Variants in CDIN1 observed in about 807,000 individuals in gnomAD.
The protein encoded by CDIN1 is CDAN1 interacting nuclease 1, also known as CDAN1-interacting nuclease 1.
Under a neutral mutation model 45.3 loss-of-function variants are expected in CDIN1, and 33 were observed. The ratio of observed to expected loss-of-function variants is 0.73; its 90% CI spans 0.55 to 0.97. CDIN1 has a LOEUF of 0.97. Among genes scored for constraint, CDIN1 ranks in the 50% least tolerant of loss-of-function variants. The pLI, the probability that CDIN1 is intolerant of heterozygous loss-of-function variation, is 0.00. For missense variants in CDIN1, 303 were observed against 339.4 expected (o/e 0.89, Z 0.84); for synonymous variants, 118 against 124.4 (o/e 0.95, Z 0.34).
intron 7 of CDIN1, among the ~76,000 whole-genome samples, chr15:36,696,177 C>T (rs2140745531): frequency 6.6e-6 from 1 of 152,260 alleles, no homozygotes; most frequent in South Asian, 2.1e-4. Context: ...ACAGTGCCTA[C>T]CACATAGTAA....
intron 1 of CDIN1, among the ~76,000 whole-genome samples, chr15:36,620,168 G>A (rs1277461694): frequency 6.6e-6 from 1 of 151,964 alleles, no homozygotes; most frequent in Non-Finnish European, 1.5e-5. Context: ...TGGCTAACAC[G>A]ATGAAACCCC....
intron 10 of CDIN1, among the ~76,000 whole-genome samples, chr15:36,794,942 A>G (rs550032095): frequency 2.1e-4 from 32 of 152,346 alleles, no homozygotes; most frequent in African/African-American, 7.7e-4. Flanking sequence ...ATGGAATACT[A>G]TTTGGCCATA....
chr15:36,779,149 C>A (rs2141048042), intron 10 of CDIN1, among the ~76,000 whole-genome samples: 1 of 152,288 alleles, frequency 6.6e-6, no homozygotes, highest in South Asian at 2.1e-4. Flanking sequence ...TGCCACCACT[C>A]CCTGCATTAA....
At chr15:36,741,800 C>T (rs1045499869) in intron 10 of CDIN1, among the ~76,000 whole-genome samples, 3 of 152,100 alleles carry the variant, frequency 2.0e-5, no homozygotes, top group African/African-American at 7.2e-5. Flanking sequence ...ACCCTAATGA[C>T]CTCATTGTAA....
At chr15:36,694,276 A>T (rs2042348824) in intron 7 of CDIN1, among the ~76,000 whole-genome samples, 2 of 152,184 alleles carry the variant, frequency 1.3e-5, no homozygotes, top group Non-Finnish European at 2.9e-5. Context: ...TCCTAGACTG[A>T]TCAGCATAAT....
In CDIN1 at chr15:36,705,842, G is replaced by A. The variant is rs2042844309; in HGVS notation, c.545-3381G>A. On this transcript the variant is annotated intron_variant, in intron 8 of 10. Transcript: ENST00000566621. Reference sequence around the variant, plus strand: ...AGTTGCTGAATAAGACACATAGGAAGGATTTGAAGATTGGTTTCATATTGA... The same window carrying A: ...AGTTGCTGAATAAGACACATAGGAAAGATTTGAAGATTGGTTTCATATTGA... 3 of 152,184 alleles carry A rather than the reference G, an allele frequency of 2.0e-5. No homozygotes were observed. In the South Asian group the frequency reaches 6.2e-4, roughly 32 times the overall value. The allele number at this position is 152,184 out of a possible 1,614,324, so 9.4% of individuals were successfully genotyped here.
intron 10 of CDIN1, among the ~76,000 whole-genome samples, chr15:36,712,466 A>T (rs1220397361): frequency 5.3e-5 from 8 of 151,886 alleles, no homozygotes; most frequent in Non-Finnish European, 7.4e-5. Context: ...GGGTTTTACC[A>T]TGTTGGTCAG....
At chr15:36,758,960 T>A (rs55681350) in intron 10 of CDIN1, among the ~76,000 whole-genome samples, 16,758 of 152,210 alleles carry the variant, frequency 0.11, 998 homozygotes, top group Non-Finnish European at 0.14. Flanking sequence ...TATGAAATTG[T>A]CTTTGCTTTT....
intron 10 of CDIN1, among the ~76,000 whole-genome samples, chr15:36,787,182 T>G (rs573529710): frequency 2.0e-5 from 3 of 152,344 alleles, no homozygotes; most frequent in Admixed American, 1.3e-4. Flanking sequence ...AACTGAGTTC[T>G]AGGGAAGCCC....
At chr15:36,701,675 T>C (rs1236447939) in intron 8 of CDIN1, among the ~76,000 whole-genome samples, 1 of 152,208 alleles carries the variant, frequency 6.6e-6, no homozygotes, top group Non-Finnish European at 1.5e-5. Flanking sequence ...ATTTTATTCT[T>C]TCCAGTGAAT....
chr15:36,781,778 G>A (rs936577271), intron 10 of CDIN1, among the ~76,000 whole-genome samples: 1 of 152,160 alleles, frequency 6.6e-6, no homozygotes, highest in African/African-American at 2.4e-5. Flanking sequence ...ATTATCATAA[G>A]CTCAATGATC....
intron 1 of CDIN1, among the ~76,000 whole-genome samples, chr15:36,593,992 CT>C (rs1251849747): frequency 2.0e-5 from 3 of 152,192 alleles, no homozygotes; most frequent in Non-Finnish European, 4.4e-5. Flanking sequence ...TTCCTTAAGA[CT>C]TTGGTTTTAC....
intron 3 of CDIN1, among the ~76,000 whole-genome samples, chr15:36,645,978 T>A (rs894515600): frequency 6.6e-6 from 1 of 152,194 alleles, no homozygotes; most frequent in African/African-American, 2.4e-5. Context: ...TCTGTTTTTT[T>A]ATTTTAAAAT....
intron 10 of CDIN1, among the ~76,000 whole-genome samples, chr15:36,751,943 AC>A (rs1485876349): frequency 6.6e-6 from 1 of 152,198 alleles, no homozygotes; most frequent in Non-Finnish European, 1.5e-5. Flanking sequence ...TGGCTGCTGA[AC>A]AATGAAAACA....
intron 10 of CDIN1, among the ~76,000 whole-genome samples, chr15:36,784,619 A>C (rs2054441550): frequency 6.6e-6 from 1 of 152,218 alleles, no homozygotes; most frequent in Admixed American, 6.5e-5. Context: ...CTGTGGATAA[A>C]ATCTCCACAC....
At chr15:36,674,052 T>C (rs1192773089) in intron 5 of CDIN1, among the ~76,000 whole-genome samples, 1 of 152,128 alleles carries the variant, frequency 6.6e-6, no homozygotes, top group Non-Finnish European at 1.5e-5. Context: ...CGTATATATT[T>C]CTCTTAACCT....
intron 8 of CDIN1, among the ~76,000 whole-genome samples, chr15:36,703,302 T>A (rs2042720996): frequency 7.6e-6 from 1 of 132,130 alleles, no homozygotes; most frequent in African/African-American, 3.0e-5. Context: ...ATATATCAGA[T>A]AGATCTATCA....
At chr15:36,797,979 C>CAAAAAAAAAAAAAAAAAAAAAAAAA (rs570630838) in intron 10 of CDIN1, among the ~76,000 whole-genome samples, 1 of 55,266 alleles carries the variant, frequency 1.8e-5, no homozygotes, top group African/African-American at 6.9e-5. Context: ...GACTCCATCT[C>CAAAAAAAAAAAAAAAAAAAAAAAAA]AAAAAAAAAA....
Position 36,691,906 on chromosome 15 carries a change from C to T in CDIN1, c.426+142C>T, listed in dbSNP as rs186911708. ...ACCATAAATGGCAATGCAGTATTTGCGAGAAGAGCATTTCACTTTTTAATA... is the reference window on the plus strand; with the variant it reads ...ACCATAAATGGCAATGCAGTATTTGTGAGAAGAGCATTTCACTTTTTAATA... On this transcript the variant is annotated intron_variant, in intron 6 of 10. Coordinates refer to ENST00000566621, the MANE Select transcript of CDIN1 (RefSeq NM_001321759.2). 158 of 780,312 alleles carry T rather than the reference C, an allele frequency of 2.0e-4. No individual in the cohort carries two copies. The East Asian group carries it at 2.3e-3, about 12-fold the overall frequency. 48.3% of individuals were successfully genotyped at this position (780,312 alleles called of 1,614,324 possible). A position where few individuals can be genotyped will look rare whatever the true frequency, so the allele number is the denominator to read the frequency against.
Sources: gnomAD v4.1 joint callset for allele counts (sites outside exome capture counted in the v4.1 genomes callset) on GRCh38, gnomAD v4.1.1 for gene constraint, MANE v1.5 for transcripts, NCBI Gene and HGNC (gene_info 2026-07-23, HGNC 2026-07-21) for gene names.